IMPACT: variants seen among roughly 807,000 people sequenced by gnomAD.
The protein encoded by IMPACT is protein IMPACT.
In IMPACT, 35 loss-of-function variants were observed where a neutral mutation model predicts 47.5. The observed-to-expected ratio is 0.74, with a 90% CI of 0.56 to 0.98. The LOEUF (loss-of-function observed/expected upper bound fraction) is 0.98. IMPACT is among the 50% of genes least tolerant of loss of function. The pLI, the probability that IMPACT is intolerant of heterozygous loss-of-function variation, is 0.00. For synonymous variants in IMPACT, 118 were observed against 125.6 expected (o/e 0.94, Z 0.40); for missense variants, 373 against 394.8 (o/e 0.94, Z 0.47).
chr18:24,452,544 A>G lies in IMPACT; in HGVS notation c.*1697A>G, dbSNP rs576873508. The G allele has an allele frequency of 2.9e-4, 44 of 152,158 alleles. No individual in the cohort carries two copies. The highest frequency in any genetic ancestry group is 4.9e-4 in the Non-Finnish European group (33 of 68,026). 9.4% of individuals were successfully genotyped at this position (152,158 alleles called of 1,614,324 possible). A position where few individuals can be genotyped will look rare whatever the true frequency, so the allele number is the denominator to read the frequency against. Reference sequence around the variant, plus strand: ...GCTCCTTTATACAGAATTATTAACTATATTTTACTAACTAAAAAACTCTAG... The same window carrying G: ...GCTCCTTTATACAGAATTATTAACTGTATTTTACTAACTAAAAAACTCTAG... On this transcript the variant is annotated 3_prime_UTR_variant, in exon 11 of 11. Coordinates refer to ENST00000284202, the MANE Select transcript of IMPACT (RefSeq NM_018439.4).
At chr18:24,446,188 A>T (rs1909245582) in intron 8 of IMPACT, among the ~76,000 whole-genome samples, 1 of 151,816 alleles carries the variant, frequency 6.6e-6, no homozygotes, top group South Asian at 2.1e-4. Flanking sequence ...TCAGCCTCCC[A>T]CGTTAACTGG....
At position 24,433,240 on chromosome 18, in the gene IMPACT, C is replaced by T. The variant is rs552041363; in HGVS notation, c.281+2856C>T. The stretch of plus-strand genomic sequence containing the variant: ...CGGAGTCTCGCTCTGTCGCCCAGGC[C>T]GGACTGCGGACTGCAGTGGCGCAAT... On this transcript the variant is annotated intron_variant, in intron 4 of 10. Transcript: ENST00000284202. Among the ~76,000 whole-genome samples the T allele has an allele frequency of 3.1e-4, 43 of 139,736 alleles. 1 individual carries two copies. Among genetic ancestry groups the T allele is most frequent in the South Asian group, 1.8e-3 (8 of 4,328 alleles). The allele number at this position is 139,736 out of a possible 152,430, so 91.7% of individuals were successfully genotyped here. A position where few individuals can be genotyped will look rare whatever the true frequency, so the allele number is the denominator to read the frequency against.
At chr18:24,448,613 C>T (rs900392254) in intron 9 of IMPACT, among the ~76,000 whole-genome samples, 1 of 151,570 alleles carries the variant, frequency 6.6e-6, no homozygotes, top group Non-Finnish European at 1.5e-5. Flanking sequence ...GACTGTTGTC[C>T]AAAATTTCTG....
chr18:24,438,890 A>G (rs912207900), intron 5 of IMPACT, among the ~76,000 whole-genome samples: 1 of 151,974 alleles, frequency 6.6e-6, no homozygotes, highest in African/African-American at 2.4e-5. Flanking sequence ...AATTGAATAT[A>G]TGTGTGTATA....
intron 7 of IMPACT, among the ~76,000 whole-genome samples, chr18:24,444,616 T>G (rs746710019): frequency 3.9e-5 from 6 of 152,222 alleles, no homozygotes; most frequent in Non-Finnish European, 7.3e-5. Context: ...ATGACACATC[T>G]TCTGTCATCT....
chr18:24,445,498 A>T, intron 8 of IMPACT, 32 bp downstream of exon 8: 1 of 1,316,464 alleles, frequency 7.6e-7, no homozygotes, highest in South Asian at 1.4e-5. Context: ...TAGTATACTC[A>T]GTTTGTTAAA....
chr18:24,437,620 A>C (rs1477341078), intron 4 of IMPACT, among the ~76,000 whole-genome samples: 2 of 152,238 alleles, frequency 1.3e-5, no homozygotes, highest in Non-Finnish European at 2.9e-5. Context: ...CGATACTGAA[A>C]GATTGTATCC....
rs1018783631 is a variant in IMPACT at position 24,434,214 on chromosome 18, A to T, written c.282-3741A>T. 5.3e-5 allele frequency among the ~76,000 whole-genome samples: 8 copies of T among 152,064 alleles called. No homozygotes were observed. The South Asian group carries it at 1.2e-3, about 24-fold the overall frequency. ...AAAACATAAAAATTAACTGGGTGTGATGGGGCGTGCCTGTAATCCCAGCTA... is the reference window on the plus strand; with the variant it reads ...AAAACATAAAAATTAACTGGGTGTGTTGGGGCGTGCCTGTAATCCCAGCTA... On this transcript the variant is annotated intron_variant, in intron 4 of 10. Transcript: ENST00000284202.
At chr18:24,431,345 T>C (rs926066969) in intron 4 of IMPACT, among the ~76,000 whole-genome samples, 5 of 152,018 alleles carry the variant, frequency 3.3e-5, no homozygotes, top group Non-Finnish European at 7.4e-5. Flanking sequence ...AATGGTGATA[T>C]GCAGTGGTAA....
chr18:24,438,044 G>A lies in IMPACT; in HGVS notation c.367+4G>A, dbSNP rs773982369. 2.2e-6 allele frequency: 3 copies of A among 1,392,136 alleles called. No homozygotes were observed. The allele number at this position is 1,392,136 out of a possible 1,614,324, so 86.2% of individuals were successfully genotyped here. Reference sequence around the variant, plus strand: ...AAATCTCAGATGACAGAACCAGGTAGGATTGAAAAATACTATCAATACTCT... The same window carrying A: ...AAATCTCAGATGACAGAACCAGGTAAGATTGAAAAATACTATCAATACTCT... On this transcript the variant is annotated splice_donor_region_variant and intron_variant, in intron 5 of 10. Transcript: ENST00000284202.
At chr18:24,439,834 G>T (rs1350942256) in intron 5 of IMPACT, among the ~76,000 whole-genome samples, 1 of 151,948 alleles carries the variant, frequency 6.6e-6, no homozygotes, top group Non-Finnish European at 1.5e-5. Context: ...ACAAATATAT[G>T]GGTACTGTGG....
chr18:24,438,798 C>T (rs1599764367), intron 5 of IMPACT, among the ~76,000 whole-genome samples: 1 of 152,052 alleles, frequency 6.6e-6, no homozygotes, highest in Admixed American at 6.6e-5. Flanking sequence ...TGATATTTAC[C>T]TTGATGTCTC....
Position 24,426,717 on chromosome 18 carries a change from A to T in IMPACT, c.-40A>T. The T allele has an allele frequency of 8.1e-7, 1 of 1,242,042 alleles. No homozygotes were observed. The highest frequency in any genetic ancestry group is 1.0e-6 in the Non-Finnish European group (1 of 992,118). The allele number at this position is 1,242,042 out of a possible 1,614,324, so 76.9% of individuals were successfully genotyped here. On this transcript the variant is annotated 5_prime_UTR_variant, in exon 1 of 11. Transcript: ENST00000284202. ...GCAGCGCCCCGCCCCCGCGCTCCGG[A>T]CCTGGCAGGCGGCGGCTGCAGGGCA...
chr18:24,440,689 A>G (rs951937473), intron 6 of IMPACT, 71 bp downstream of exon 6: 6 of 1,286,912 alleles, frequency 4.7e-6, no homozygotes, highest in Non-Finnish European at 6.2e-6. Context: ...CTTTGAGATG[A>G]TAGAGAAATT....
intron 9 of IMPACT, 38 bp from the exon 10 acceptor site, chr18:24,449,777 ATGTC>A (rs748911317): frequency 1.8e-5 from 28 of 1,538,212 alleles, no homozygotes; most frequent in Non-Finnish European, 2.3e-5. Flanking sequence ...ATATTTATAC[ATGTC>A]TGTCTATGTA....
intron 4 of IMPACT, among the ~76,000 whole-genome samples, chr18:24,433,650 CTT>C (rs1318980851): frequency 6.9e-6 from 1 of 145,386 alleles, no homozygotes; most frequent in Non-Finnish European, 1.5e-5. Flanking sequence ...ATTTTTAAAA[CTT>C]TTGTGTGACA....
At position 24,431,782 on chromosome 18, in the gene IMPACT, A is replaced by G. The variant is rs1599761449; in HGVS notation, c.281+1398A>G. On this transcript the variant is annotated intron_variant, in intron 4 of 10. Transcript: ENST00000284202. ...AGTGGCATGATCTTGGCTCACTGCA[A>G]CCCCTGCCCCTCAGGTTCAAGCAGT... is the stretch of plus-strand genomic sequence containing the variant. Among the ~76,000 whole-genome samples the G allele has an allele frequency of 4.6e-5, 7 of 152,036 alleles. No homozygotes were observed. In the South Asian group the frequency reaches 1.5e-3, roughly 32 times the overall value.
intron 4 of IMPACT, among the ~76,000 whole-genome samples, chr18:24,434,107 A>G (rs192300056): frequency 1.1e-4 from 17 of 152,260 alleles, no homozygotes; most frequent in African/African-American, 3.4e-4. Context: ...TGGGAAGCCT[A>G]TGTGGGAGGA....
rs1444541855 is a variant in IMPACT at position 24,443,151 on chromosome 18, A to G, written c.593A>G (p.Gln198Arg). 1 of 1,532,216 alleles carries G rather than the reference A, an allele frequency of 6.5e-7. No homozygotes were observed. Among genetic ancestry groups the G allele is most frequent in the African/African-American group, 1.4e-5 (1 of 72,736 alleles). 94.9% of individuals were successfully genotyped at this position (1,532,216 alleles called of 1,614,324 possible). A position where few individuals can be genotyped will look rare whatever the true frequency, so the allele number is the denominator to read the frequency against. ...TTGGCTCCAGTGGTTTGTCCCAAAC[A>G]GGTAAAGTTCCTTTGTCTAGCTCAC... is the stretch of plus-strand genomic sequence containing the variant. ...AHLAPVVCPK[Q>R]VKMVLSKLYE... Residue 198 changes from glutamine (Q) to arginine (R), a missense_variant and splice_region_variant, in exon 7 of 11, where the codon CAG (glutamine) becomes CGG (arginine). Physicochemically the swap from Gln to Arg is conservative, Grantham distance 43 (BLOSUM62 1). Transcript: ENST00000284202.
Sources: allele counts gnomAD v4.1 joint callset (sites outside exome capture counted in the v4.1 genomes callset), GRCh38; gene constraint gnomAD v4.1.1; transcripts MANE v1.5; gene names NCBI Gene and HGNC (gene_info 2026-07-23, HGNC 2026-07-21).